Variants in ABCB11 observed in about 807,000 individuals in gnomAD.
ABCB11 encodes ATP binding cassette subfamily B member 11.
Under a neutral mutation model 148.0 loss-of-function variants are expected in ABCB11, and 95 were observed. That is an observed-to-expected ratio of 0.64 (90% CI 0.54 to 0.76). ABCB11 has a LOEUF of 0.76. Ranked by LOEUF, ABCB11 falls within the 30% of genes least tolerant of loss-of-function variation. ABCB11 has a pLI of 0.00. For synonymous variants in ABCB11, 591 were observed against 555.4 expected (o/e 1.06, Z -0.90); for missense variants, 1,523 against 1,617.8 (o/e 0.94, Z 1.01).
intron 5 of ABCB11, among the ~76,000 whole-genome samples, chr2:168,997,707 T>C (rs1694758810): frequency 1.3e-5 from 2 of 151,852 alleles, no homozygotes; most frequent in Non-Finnish European, 2.9e-5. Context: ...TTGAGCTTGA[T>C]TTTTTTTCTC....
intron 11 of ABCB11, among the ~76,000 whole-genome samples, chr2:168,977,154 TAAC>T (rs1184071340): frequency 1.3e-5 from 2 of 148,240 alleles, no homozygotes; most frequent in African/African-American, 4.9e-5. Context: ...TAACATATGT[TAAC>T]AATATTATTA....
intron 19 of ABCB11, among the ~76,000 whole-genome samples, chr2:168,957,264 G>T (rs890335751): frequency 6.6e-6 from 1 of 151,610 alleles, no homozygotes; most frequent in African/African-American, 2.4e-5. Flanking sequence ...GCCTTGGTTT[G>T]CTCCTTTGTA....
intron 14 of ABCB11, among the ~76,000 whole-genome samples, chr2:168,971,127 A>T (rs1693561553): frequency 6.6e-6 from 1 of 151,948 alleles, no homozygotes; most frequent in Non-Finnish European, 1.5e-5. Flanking sequence ...CTTGTTGTAT[A>T]ATCTTGAGCA....
At chr2:168,980,767 T>G (rs1241057851) in intron 10 of ABCB11, among the ~76,000 whole-genome samples, 2 of 152,126 alleles carry the variant, frequency 1.3e-5, no homozygotes, top group African/African-American at 4.8e-5. Flanking sequence ...GTTCTTTGAC[T>G]TACCAATGCA....
intron 10 of ABCB11, 37 bp from the exon 11 acceptor site, chr2:168,980,016 G>T: frequency 1.6e-6 from 2 of 1,271,306 alleles, no homozygotes; most frequent in Non-Finnish European, 2.3e-6. Flanking sequence ...ATGTGTTTTT[G>T]TTAATGTGTA....
chr2:168,927,584 T>A (rs563480993), intron 25 of ABCB11, among the ~76,000 whole-genome samples: 1 of 152,282 alleles, frequency 6.6e-6, no homozygotes, highest in Non-Finnish European at 1.5e-5. Context: ...ATGGTCCTAT[T>A]TATTTCCTGA....
rs1419867712 is a variant in ABCB11, at chr2:168,922,471, C to T, written c.*1151G>A. 2.6e-5 allele frequency among the ~76,000 whole-genome samples: 4 copies of T among 152,296 alleles called. No homozygotes were observed. The East Asian group carries it at 7.7e-4, about 29-fold the overall frequency. On this transcript the variant is annotated 3_prime_UTR_variant, in exon 28 of 28. Transcript: ENST00000650372. ...CTTCAGTCCCTCTGTCCCCTTGTCT[C>T]CTCCTTCCAGAAGGATCCAGTGTTT...
At chr2:169,012,014 T>C (rs988068791) in intron 5 of ABCB11, among the ~76,000 whole-genome samples, 8 of 152,222 alleles carry the variant, frequency 5.3e-5, no homozygotes, top group African/African-American at 1.9e-4. Context: ...CATGAGTTCC[T>C]GGTATATTTG....
chr2:168,942,736 C>G lies in ABCB11; in HGVS notation c.2610+1869G>C, dbSNP rs377103865. 9.2e-5 allele frequency among the ~76,000 whole-genome samples: 14 copies of G among 151,698 alleles called. No homozygotes were observed. The South Asian group carries it at 2.9e-3, about 32-fold the overall frequency. ...CTCATGTACCCCATAAATATATACA[C>G]CTACTTGGTATCTATCTACAAAAAT... On this transcript the variant is annotated intron_variant, in intron 21 of 27. Coordinates refer to ENST00000650372, the MANE Select transcript of ABCB11 (RefSeq NM_003742.4).
Position 168,927,326 on chromosome 2 carries a change from G to A in ABCB11, c.3448C>T (p.Gln1150Ter), listed in dbSNP as rs1355492492. 4 of 1,613,886 alleles carry A rather than the reference G, an allele frequency of 2.5e-6. No homozygotes were observed. Among genetic ancestry groups the A allele is most frequent in the South Asian group, 1.1e-5 (1 of 91,060 alleles). ...ATTCCAATGTTTGAGCGGAGGAACT[G>A]GACATTTACTTTTTTGCTGTCATGA... ...DGHDSKKVNV[Q>*]FLRSNIGIVS... Residue 1150 changes from glutamine to a stop codon, truncating the protein, a stop_gained, in exon 26 of 28, where the codon CAG becomes TAG. Transcript: ENST00000650372. LOFTEE classifies it high-confidence loss of function.
chr2:168,968,091 T>C (rs1212760357), intron 17 of ABCB11, among the ~76,000 whole-genome samples: 2 of 151,182 alleles, frequency 1.3e-5, no homozygotes, highest in Non-Finnish European at 1.5e-5. Flanking sequence ...CAGTGTTTCA[T>C]ACCACAGTTA....
intron 5 of ABCB11, among the ~76,000 whole-genome samples, chr2:169,001,583 G>A (rs1366245855): frequency 6.6e-6 from 1 of 152,128 alleles, no homozygotes; most frequent in African/African-American, 2.4e-5. Context: ...TTACCACCTA[G>A]CAAGTGTGGA....
intron 9 of ABCB11, among the ~76,000 whole-genome samples, chr2:168,990,557 C>T (rs1410805026): frequency 1.3e-5 from 2 of 151,978 alleles, no homozygotes; most frequent in African/African-American, 2.4e-5. Context: ...AAATATCTAC[C>T]CTGAGCTGGC....
downstream of ABCB11, among the ~76,000 whole-genome samples, chr2:168,920,521 C>T (rs761224635): frequency 6.6e-6 from 1 of 150,388 alleles, no homozygotes; most frequent in Non-Finnish European, 1.5e-5. Context: ...GAGAAATTTC[C>T]CCAACTTTAT....
chr2:168,984,165 G>A (rs529389207), intron 10 of ABCB11, among the ~76,000 whole-genome samples: 269 of 152,138 alleles, frequency 1.8e-3, no homozygotes, highest in Non-Finnish European at 3.1e-3. Context: ...TTGGGAGAGG[G>A]AGCAGGATAA....
chr2:168,929,052 A>G (rs1399558492), intron 25 of ABCB11, among the ~76,000 whole-genome samples: 1 of 152,166 alleles, frequency 6.6e-6, no homozygotes, highest in Non-Finnish European at 1.5e-5. Context: ...ATAATAGTAT[A>G]TTACATTAAA....
In ABCB11 at chr2:168,986,225, C is replaced by T; in HGVS notation, c.968G>A (p.Gly323Glu). The T allele has an allele frequency of 1.2e-6, 2 of 1,613,382 alleles. No homozygotes were observed. The highest frequency in any genetic ancestry group is 2.2e-5 in the South Asian group (2 of 91,064). Residue 323 changes from glycine (G) to glutamate (E), a missense_variant, in exon 10 of 28, where the codon GGA (glycine) becomes GAA (glutamate). By Grantham distance (98) the Gly-to-Glu change is moderately conservative. Transcript: ENST00000650372. ...RWGIRKGIVM[G>E]FFTGFVWCLI... is the part of the protein sequence containing the mutation. ...ACACCACACGAATCCAGTAAAGAATCCCATCACTATTCCTTTTCTAATTCC... is the reference window on the plus strand; with the variant it reads ...ACACCACACGAATCCAGTAAAGAATTCCATCACTATTCCTTTTCTAATTCC...
intron 5 of ABCB11, among the ~76,000 whole-genome samples, chr2:169,003,988 T>C (rs1279364629): frequency 6.6e-6 from 1 of 152,218 alleles, no homozygotes; most frequent in Non-Finnish European, 1.5e-5. Flanking sequence ...CCCCAATCCC[T>C]TCTAGCTTGT....
chr2:168,924,862 T>C (rs1691236204), intron 26 of ABCB11, 59 bp from the exon 27 acceptor site: 6 of 1,426,546 alleles, frequency 4.2e-6, no homozygotes, highest in African/African-American at 2.9e-5. Context: ...TGTGCTGTAC[T>C]GAACTCATGT....
Sources: allele counts gnomAD v4.1 joint callset (sites outside exome capture counted in the v4.1 genomes callset), GRCh38; gene constraint gnomAD v4.1.1; transcripts MANE v1.5; gene names NCBI Gene and HGNC (gene_info 2026-07-23, HGNC 2026-07-21).